RPS17: variants seen among roughly 807,000 people sequenced by gnomAD.
RPS17 encodes ribosomal protein S17.
For missense variants in RPS17, 68 were observed against 182.3 expected (o/e 0.37, Z 3.61); for synonymous variants, 75 against 65.6 (o/e 1.14, Z -0.70).
chr15:82,538,561 T>C (rs967428448), intron 3 of RPS17, 190 bp from the exon 4 acceptor site: 29 of 721,746 alleles, frequency 4.0e-5, no homozygotes, highest in Middle Eastern at 7.5e-4. Context: ...TACCTTCCCA[T>C]GCCCTCATTC....
At position 82,539,005 on chromosome 15, in the gene RPS17, A is replaced by G. The variant is rs2034291042; in HGVS notation, c.156-20T>C. ...ACATAACTACAAAGCACACACAGCC[A>G]AAGAGAACAGTGAGAAGACAAATCA... On this transcript the variant is annotated intron_variant, in intron 2 of 4. Transcript: ENST00000647841. The G allele has an allele frequency of 6.2e-7, 1 of 1,611,872 alleles. No homozygotes were observed. The highest frequency in any genetic ancestry group is 1.7e-5 in the Admixed American group (1 of 60,012).
chr15:82,539,275 T>A, intron 2 of RPS17: 2 of 591,652 alleles, frequency 3.4e-6, no homozygotes, highest in Non-Finnish European at 6.3e-6. Flanking sequence ...GCCTTCATTT[T>A]CTTCCAATTT....
intron 1 of RPS17, 115 bp downstream of exon 1, chr15:82,540,311 C>A: frequency 6.3e-7 from 1 of 1,582,932 alleles, no homozygotes; most frequent in South Asian, 1.1e-5. Context: ...TGCGCTCCAG[C>A]CTGACAGGGC....
rs1202663599 is a variant in RPS17 at position 82,538,963 on chromosome 15, G to T, written c.178C>A (p.Arg60=). Residue 60 remains arginine, a synonymous_variant, in exon 3 of 5, where the codon CGA becomes AGA. Transcript: ENST00000647841. The part of the protein sequence containing the change: ...IAGYVTHLMK[R]IQRGPVRGIS... ...CCTCTTACTGGGCCTCTCTGAATTC[G>T]CTTCATCAGATGCGTGACATAACTA... 2.5e-6 allele frequency: 4 copies of T among 1,613,776 alleles called. No homozygotes were observed. The Admixed American group carries it at 6.7e-5, about 27-fold the overall frequency.
chr15:82,537,114 C>T (rs1159729155), intron 4 of RPS17: 5 of 618,184 alleles, frequency 8.1e-6, no homozygotes, highest in African/African-American at 5.6e-5. Context: ...TGACTTTTAC[C>T]CAATGTACCA....
At chr15:82,537,604 A>T (rs1313069593) in intron 4 of RPS17, 4 of 341,022 alleles carry the variant, frequency 1.2e-5, no homozygotes, top group Non-Finnish European at 2.3e-5. Context: ...AACCCATTTT[A>T]GTTTCAACAA....
At chr15:82,540,383 G>A (rs1365481464) in intron 1 of RPS17, 43 bp downstream of exon 1, 4 of 1,591,164 alleles carry the variant, frequency 2.5e-6, no homozygotes, top group Non-Finnish European at 2.6e-6. Context: ...CTGCAGATGG[G>A]GGACGATTGT....
chr15:82,538,110 C>A (rs1027534376), intron 4 of RPS17, 196 bp downstream of exon 4: 6 of 649,554 alleles, frequency 9.2e-6, no homozygotes, highest in Non-Finnish European at 1.7e-5. Context: ...ATTTGGGAAT[C>A]ATGATCTTGT....
chr15:82,538,781 T>C (rs1423004107), intron 3 of RPS17, 99 bp downstream of exon 3: 1 of 1,263,784 alleles, frequency 7.9e-7, no homozygotes, highest in African/African-American at 1.5e-5. Flanking sequence ...ATGTATGGAT[T>C]AAAGGTCTCA....
At chr15:82,537,490 G>A (rs2150887003) in intron 4 of RPS17, 1 of 296,164 alleles carries the variant, frequency 3.4e-6, no homozygotes, top group Non-Finnish European at 6.5e-6. Flanking sequence ...AGGGAGGGAG[G>A]CAAGAGCAGA....
Position 82,538,306 on chromosome 15 carries a change from C to T in RPS17, c.327G>A (p.Leu109=), listed in dbSNP as rs2034276188. The T allele has an allele frequency of 1.2e-6, 2 of 1,613,370 alleles. No homozygotes were observed. The highest frequency in any genetic ancestry group is 1.7e-6 in the Non-Finnish European group (2 of 1,179,742). The change falls in exon 4 of 5, where the codon TTG becomes TTA. Residue 109 remains leucine, a splice_region_variant and synonymous_variant. Transcript: ENST00000647841. ...DPDTKEMLKL[L]DFGSLSNLQV... The stretch of plus-strand genomic sequence containing the variant: ...CTTTAGGAATCCAGCAAACACTTAC[C>T]AAAAGCTTCAGCATTTCCTTAGTGT...
chr15:82,538,762 G>T, intron 3 of RPS17, 118 bp downstream of exon 3: 2 of 1,096,696 alleles, frequency 1.8e-6, no homozygotes, highest in Non-Finnish European at 2.8e-6. Context: ...ACCCACAGCT[G>T]GTTATGGAAT....
chr15:82,538,417 T>C (rs2034277790), intron 3 of RPS17, 46 bp from the exon 4 acceptor site: 1 of 1,595,746 alleles, frequency 6.3e-7, no homozygotes, highest in Non-Finnish European at 8.6e-7. Context: ...AATGAGATTA[T>C]CACTCACCTC....
intron 1 of RPS17, 80 bp downstream of exon 1, chr15:82,540,344 CCT>C: frequency 4.4e-6 from 7 of 1,582,300 alleles, no homozygotes; most frequent in Non-Finnish European, 6.0e-6. Flanking sequence ...CGGCCCAGGG[CCT>C]CTCTGTGGGC....
At chr15:82,540,396 A>T (rs2034330153) in intron 1 of RPS17, 30 bp downstream of exon 1, 1 of 1,593,102 alleles carries the variant, frequency 6.3e-7, no homozygotes, top group African/African-American at 1.3e-5. Context: ...ACGATTGTGG[A>T]GGATGGCGGC....
intron 1 of RPS17, 36 bp downstream of exon 1, chr15:82,540,390 T>C (rs1354713823): frequency 3.8e-6 from 6 of 1,592,242 alleles, no homozygotes; most frequent in Admixed American, 1.8e-5. Context: ...TGGGGGACGA[T>C]TGTGGAGGAT....
Position 82,538,336 on chromosome 15 carries a change from A to G in RPS17, c.297T>C (p.Asp99=). 1 of 1,612,966 alleles carries G rather than the reference A, an allele frequency of 6.2e-7. No homozygotes were observed. Among genetic ancestry groups the G allele is most frequent in the Non-Finnish European group, 8.5e-7 (1 of 1,179,792 alleles). ...SALDQEIIEV[D]PDTKEMLKLL... is the part of the protein sequence containing the mutation. ...GCTTCAGCATTTCCTTAGTGTCAGG[A>G]TCTACTTCAATAATCTCCTGATCCA... The change falls in exon 4 of 5, where the codon GAT becomes GAC. Residue 99 remains aspartate, a synonymous_variant. Coordinates refer to ENST00000647841, the MANE Select transcript of RPS17 (RefSeq NM_001021.6).
intron 2 of RPS17, 42 bp downstream of exon 2, chr15:82,539,939 A>G: frequency 6.2e-7 from 1 of 1,611,780 alleles, no homozygotes; most frequent in Non-Finnish European, 8.5e-7. Context: ...GAGCACACAA[A>G]CAGATCGCGG....
intron 4 of RPS17, chr15:82,537,624 A>C (rs911985781): frequency 1.1e-5 from 4 of 349,944 alleles, no homozygotes; most frequent in Non-Finnish European, 2.2e-5. Flanking sequence ...AAAATGCTGC[A>C]TTCAGCGCAG....
Sources: gnomAD v4.1 joint callset for allele counts on GRCh38, gnomAD v4.1.1 for gene constraint, MANE v1.5 for transcripts, NCBI Gene and HGNC (gene_info 2026-07-23, HGNC 2026-07-21) for gene names.